The following SPIDR variants were observed in gnomAD, a reference collection of about 807,000 sequenced individuals.
The protein encoded by SPIDR is scaffold protein involved in DNA repair, also known as DNA repair-scaffolding protein.
SPIDR carries 93 observed loss-of-function variants against 104.6 expected under a neutral mutation model. That is an observed-to-expected ratio of 0.89 (90% CI 0.75 to 1.06). The LOEUF (loss-of-function observed/expected upper bound fraction) is 1.06, where lower values mean the gene tolerates loss of function less well. Ranked by LOEUF, SPIDR falls within the 50% of genes least tolerant of loss-of-function variation. The pLI is 0.00. For missense variants in SPIDR, 1,154 were observed against 1,111.2 expected, an observed-to-expected ratio of 1.04 and a Z score of -0.55; for synonymous variants, 431 against 416.9, an observed-to-expected ratio of 1.03 and a Z score of -0.41.
At chr8:47,365,734 A>G (rs1473613036) in intron 5 of SPIDR, among the ~76,000 whole-genome samples, 2 of 152,096 alleles carry the variant, frequency 1.3e-5, no homozygotes, top group African/African-American at 4.8e-5. Flanking sequence ...GCTGTTATTT[A>G]TGCTGTTAAT....
At chr8:47,632,899 G>A (rs1046905831) in intron 10 of SPIDR, among the ~76,000 whole-genome samples, 1 of 152,196 alleles carries the variant, frequency 6.6e-6, no homozygotes, top group Non-Finnish European at 1.5e-5. Flanking sequence ...CAGCCAAGGG[G>A]CCTGCAGCGG....
intron 10 of SPIDR, among the ~76,000 whole-genome samples, chr8:47,634,753 AGAG>A (rs1405047790): frequency 6.6e-6 from 1 of 152,214 alleles, no homozygotes; most frequent in African/African-American, 2.4e-5. Context: ...CCCCTGGCTC[AGAG>A]CCTGTACCCA....
chr8:47,513,521 C>G (rs1181682698), intron 8 of SPIDR, among the ~76,000 whole-genome samples: 2 of 152,196 alleles, frequency 1.3e-5, no homozygotes, highest in Non-Finnish European at 2.9e-5. Context: ...AACAACAGTT[C>G]TCCAGTTTAG....
intron 5 of SPIDR, among the ~76,000 whole-genome samples, chr8:47,311,586 AAGAGGGGTATT>A (rs2044167255): frequency 6.6e-6 from 1 of 152,192 alleles, no homozygotes; most frequent in African/African-American, 2.4e-5. Flanking sequence ...GGGGAGGCCA[AAGAGGGGTATT>A]GCTTGAGCTA....
At position 47,712,671 on chromosome 8, in the gene SPIDR, C is replaced by T; in HGVS notation, c.1987C>T (p.Leu663=). The stretch of plus-strand genomic sequence containing the variant: ...TGTCTTCAAATTGTAGCTGAAGAGT[C>T]TGCTGCTTCTGGAGCAAAGGGAGAT... The part of the protein sequence containing the change: ...VIYQKPQLKS[L]LLLEQREIWL... The change falls in exon 15 of 20, where the codon CTG becomes TTG. Residue 663 remains leucine, a synonymous_variant. Transcript: ENST00000297423. 1 of 1,613,926 alleles carries T rather than the reference C, an allele frequency of 6.2e-7. No homozygotes were observed. Among genetic ancestry groups the T allele is most frequent in the Non-Finnish European group, 8.5e-7 (1 of 1,179,914 alleles).
rs62539142 is a variant in SPIDR, at chr8:47,638,485, G to A, written c.1545-35316G>A. On this transcript the variant is annotated intron_variant, in intron 10 of 19. Transcript: ENST00000297423. ...CATAGAGTTGATACTAGCATTGGTA[G>A]TCATGGCCAGATAGAGGCTTTAGAA... Among the ~76,000 whole-genome samples the A allele has an allele frequency of 9.2e-3, 1,408 of 152,248 alleles. 10 individuals carry two copies. The highest frequency in any genetic ancestry group is 0.016 in the Non-Finnish European group (1,060 of 68,022).
At chr8:47,449,491 A>G (rs1001239725) in intron 8 of SPIDR, among the ~76,000 whole-genome samples, 3 of 152,162 alleles carry the variant, frequency 2.0e-5, no homozygotes, top group African/African-American at 7.2e-5. Context: ...CCTGTTTTAT[A>G]TTTGCCACAT....
intron 11 of SPIDR, among the ~76,000 whole-genome samples, chr8:47,685,517 A>ATTTTTTTTTTT (rs370526185): frequency 5.4e-5 from 7 of 130,168 alleles, no homozygotes; most frequent in South Asian, 4.7e-4. Context: ...TTATTTATTT[A>ATTTTTTTTTTT]TTTTTTTGAG....
chr8:47,541,612 A>G (rs1004989675), intron 8 of SPIDR, among the ~76,000 whole-genome samples: 9 of 152,182 alleles, frequency 5.9e-5, no homozygotes, highest in South Asian at 2.1e-4. Context: ...AGAAGAAAAT[A>G]TGGGCTGGGC....
chr8:47,553,142 GA>G (rs1222576000), intron 8 of SPIDR, among the ~76,000 whole-genome samples: 1 of 152,188 alleles, frequency 6.6e-6, no homozygotes, highest in Non-Finnish European at 1.5e-5. Flanking sequence ...CTGTTAGTCT[GA>G]TGGGCTTCCC....
At chr8:47,645,394 G>A (rs2070144177) in intron 10 of SPIDR, among the ~76,000 whole-genome samples, 1 of 152,064 alleles carries the variant, frequency 6.6e-6, no homozygotes, top group Non-Finnish European at 1.5e-5. Flanking sequence ...GGTCATTGAG[G>A]TGAGGGGTGA....
chr8:47,284,052 A>G lies in SPIDR; in HGVS notation c.214A>G (p.Ile72Val). 5 of 1,612,384 alleles carry G rather than the reference A, an allele frequency of 3.1e-6. No homozygotes were observed. The highest frequency in any genetic ancestry group is 1.7e-5 in the Admixed American group (1 of 59,940). Residue 72 changes from isoleucine to valine, a missense_variant, in exon 3 of 20, where the codon ATT becomes GTT. Physicochemically the swap from Ile to Val is conservative, Grantham distance 29 (BLOSUM62 3). Transcript: ENST00000297423. ...NPSLTAEEKT[I>V]TEKHLELCPR... ...GTCATTAACAGCTGAAGAGAAGACGATTACAGAAAAGCACCTTGAATTATG... is the reference window on the plus strand; with the variant it reads ...GTCATTAACAGCTGAAGAGAAGACGGTTACAGAAAAGCACCTTGAATTATG...
At chr8:47,560,903 CTG>C (rs2056980501) in intron 8 of SPIDR, among the ~76,000 whole-genome samples, 1 of 152,180 alleles carries the variant, frequency 6.6e-6, no homozygotes, top group Non-Finnish European at 1.5e-5. Context: ...CACAATGAAA[CTG>C]TTTCATTCTT....
At chr8:47,273,990 G>T (rs1018727015) in intron 1 of SPIDR, among the ~76,000 whole-genome samples, 1 of 152,026 alleles carries the variant, frequency 6.6e-6, no homozygotes, top group Non-Finnish European at 1.5e-5. Context: ...CTAATCACTT[G>T]GCCTTTTTGC....
At chr8:47,600,362 G>A (rs942915256) in intron 10 of SPIDR, among the ~76,000 whole-genome samples, 5 of 152,022 alleles carry the variant, frequency 3.3e-5, no homozygotes, top group African/African-American at 1.2e-4. Context: ...CTAATATAAA[G>A]ACAATGCAAT....
chr8:47,294,731 A>G (rs1385380782), intron 5 of SPIDR, among the ~76,000 whole-genome samples: 1 of 152,202 alleles, frequency 6.6e-6, no homozygotes, highest in Non-Finnish European at 1.5e-5. Context: ...CCTGGGCTCA[A>G]GTGATCCTCT....
intron 5 of SPIDR, among the ~76,000 whole-genome samples, chr8:47,335,515 A>G (rs1241948439): frequency 1.3e-5 from 2 of 152,122 alleles, no homozygotes; most frequent in Non-Finnish European, 2.9e-5. Flanking sequence ...CAGTGGTGCA[A>G]TCTCAGCTTA....
At chr8:47,350,441 T>C (rs1350697450) in intron 5 of SPIDR, among the ~76,000 whole-genome samples, 2 of 152,124 alleles carry the variant, frequency 1.3e-5, no homozygotes. Context: ...AGCCTCCCAC[T>C]TAGCTGGGAT....
At chr8:47,533,229 TA>T (rs2086316707) in intron 8 of SPIDR, among the ~76,000 whole-genome samples, 1 of 152,012 alleles carries the variant, frequency 6.6e-6, no homozygotes, top group Non-Finnish European at 1.5e-5. Flanking sequence ...AGGAACAAAA[TA>T]ATTTTTACCA....
Sources: allele counts gnomAD v4.1 joint callset (sites outside exome capture counted in the v4.1 genomes callset), GRCh38; gene constraint gnomAD v4.1.1; transcripts MANE v1.5; gene names NCBI Gene and HGNC (gene_info 2026-07-23, HGNC 2026-07-21).